CIPC: variants seen among roughly 807,000 people sequenced by gnomAD.
CIPC encodes CLOCK-interacting pacemaker.
A neutral mutation model predicts 26.7 loss-of-function variants in CIPC; 12 were observed. The ratio of observed to expected loss-of-function variants is 0.45; its 90% CI spans 0.29 to 0.73. The LOEUF (loss-of-function observed/expected upper bound fraction) is 0.73. CIPC is among the 30% of genes least tolerant of loss of function. The pLI is 0.12. For missense variants in CIPC, 417 were observed against 486.5 expected (o/e 0.86, Z 1.34); for synonymous variants, 170 against 189.8 (o/e 0.90, Z 0.86).
At chr14:77,106,548 C>T (rs908087900) in intron 2 of CIPC, among the ~76,000 whole-genome samples, 1 of 151,990 alleles carries the variant, frequency 6.6e-6, no homozygotes, top group African/African-American at 2.4e-5. Context: ...GAATATGGCG[C>T]TAGTGTGATT....
chr14:77,113,788 G>A lies in CIPC; in HGVS notation c.670G>A (p.Glu224Lys), dbSNP rs769078546. 1.5e-5 allele frequency: 25 copies of A among 1,613,758 alleles called. No homozygotes were observed. Among genetic ancestry groups the A allele is most frequent in the Non-Finnish European group, 1.7e-5 (20 of 1,179,822 alleles). The change falls in exon 4 of 4, where the codon GAG (glutamate) becomes AAG (lysine). Residue 224 changes from glutamate to lysine, a missense_variant. Glu to Lys is a moderately conservative substitution (Grantham distance 56). Coordinates refer to ENST00000361786, the MANE Select transcript of CIPC (RefSeq NM_033426.3). ...TPAPPSAKLA[E>K]DSALQGVPSL... ...AGCACCACCCAGCGCCAAACTTGCC[G>A]AGGACTCAGCTCTGCAGGGTGTGCC...
intron 1 of CIPC, among the ~76,000 whole-genome samples, chr14:77,099,504 G>A (rs1005623605): frequency 3.3e-5 from 5 of 152,134 alleles, no homozygotes; most frequent in African/African-American, 9.7e-5. Context: ...AAATGACTTC[G>A]GAGAAAAGCT....
chr14:77,113,879 C>T lies in CIPC; in HGVS notation c.761C>T (p.Ala254Val). The change falls in exon 4 of 4, where the codon GCT becomes GTT. Residue 254 changes from alanine to valine, a missense_variant. Ala to Val is a moderately conservative substitution (Grantham distance 64). Transcript: ENST00000361786. The part of the protein sequence containing the change: ...QPVSSSHVAK[A>V]PSLTFASPAS... The stretch of plus-strand genomic sequence containing the variant: ...GTATCCAGCAGTCACGTGGCTAAAG[C>T]TCCCAGTCTGACCTTCGCTTCCCCC... The T allele has an allele frequency of 6.2e-7, 1 of 1,614,146 alleles. No homozygotes were observed. Among genetic ancestry groups the T allele is most frequent in the Non-Finnish European group, 8.5e-7 (1 of 1,180,034 alleles).
At chr14:77,104,847 T>A (rs1345689522) in intron 1 of CIPC, among the ~76,000 whole-genome samples, 6 of 152,240 alleles carry the variant, frequency 3.9e-5, no homozygotes, top group African/African-American at 1.4e-4. Flanking sequence ...ATGCCTATTC[T>A]GTTCATTCTA....
In CIPC at chr14:77,102,451, G is replaced by A. The variant is rs965107472; in HGVS notation, c.-52-3206G>A. 6.6e-5 allele frequency among the ~76,000 whole-genome samples: 10 copies of A among 152,154 alleles called. No homozygotes were observed. The East Asian group carries it at 7.7e-4, about 12-fold the overall frequency. ...TATTATTTTCTGAGCCTCAAAAACC[G>A]ATTGTCAGTGTTTCAGTATTTTGAC... On this transcript the variant is annotated intron_variant, in intron 1 of 3. Transcript: ENST00000361786.
intron 1 of CIPC, among the ~76,000 whole-genome samples, chr14:77,103,654 A>G (rs118098138): frequency 2.0e-4 from 30 of 152,296 alleles, no homozygotes; most frequent in Non-Finnish European, 3.2e-4. Flanking sequence ...TGAAGGGCCA[A>G]TTGGTCTTAT....
In CIPC at chr14:77,113,480, T is replaced by C. The variant is rs1462895318; in HGVS notation, c.362T>C (p.Ile121Thr). The C allele has an allele frequency of 1.2e-6, 2 of 1,614,180 alleles. No individual in the cohort carries two copies. Among genetic ancestry groups the C allele is most frequent in the South Asian group, 2.2e-5 (2 of 91,076 alleles). Reference protein sequence around the residue: ...SWTVQPSFEVISAQPQLLFLH... With the variant: ...SWTVQPSFEVTSAQPQLLFLH... Reference sequence around the variant, plus strand: ...ACTGTCCAGCCCTCCTTTGAAGTGATCTCAGCACAGCCACAGCTCTTATTC... The same window carrying C: ...ACTGTCCAGCCCTCCTTTGAAGTGACCTCAGCACAGCCACAGCTCTTATTC... Residue 121 changes from isoleucine to threonine, a missense_variant, in exon 4 of 4, where the codon ATC becomes ACC. Physicochemically the swap from Ile to Thr is moderately conservative, Grantham distance 89. Transcript: ENST00000361786.
chr14:77,114,503 A>G lies in CIPC; in HGVS notation c.*185A>G. 5 of 624,512 alleles carry G rather than the reference A, an allele frequency of 8.0e-6. No individual in the cohort carries two copies. The highest frequency in any genetic ancestry group is 1.4e-5 in the Non-Finnish European group (5 of 363,722). 38.7% of individuals were successfully genotyped at this position (624,512 alleles called of 1,614,324 possible). On this transcript the variant is annotated 3_prime_UTR_variant, in exon 4 of 4. Transcript: ENST00000361786. ...AACTCGTAGTCTGGGCACAGGATAC[A>G]TATGTCCCCGTCCCACTGAGGACCT...
In CIPC at chr14:77,105,752, C is replaced by G; in HGVS notation, c.44C>G (p.Ser15Cys). 1 of 1,614,144 alleles carries G rather than the reference C, an allele frequency of 6.2e-7. No individual in the cohort carries two copies. The highest frequency in any genetic ancestry group is 8.5e-7 in the Non-Finnish European group (1 of 1,179,990). Residue 15 changes from serine to cysteine, a missense_variant, in exon 2 of 4, where the codon TCT becomes TGT. Ser to Cys is a moderately radical substitution (Grantham distance 112). Transcript: ENST00000361786. ...TCCAGAGAGAGCCCCAGAAGACTCT[C>G]TGCCAAAGTAGGCAAAGGCACAGAG... ...NPSRESPRRL[S>C]AKVGKGTEMK...
In CIPC at chr14:77,115,621, A is replaced by T. The variant is rs895427728; in HGVS notation, c.*1303A>T. 5 of 151,864 alleles carry T rather than the reference A, an allele frequency of 3.3e-5. No homozygotes were observed. Among genetic ancestry groups the T allele is most frequent in the African/African-American group, 4.8e-5 (2 of 41,326 alleles). 9.4% of individuals were successfully genotyped at this position (151,864 alleles called of 1,614,324 possible). On this transcript the variant is annotated 3_prime_UTR_variant, in exon 4 of 4. Transcript: ENST00000361786. ...AAATATTCTCTCAATTTAAAATTTC[A>T]TCCTCTTGAAAATCTTTGTTCTTTA...
chr14:77,110,530 A>G (rs1286351228), intron 3 of CIPC, among the ~76,000 whole-genome samples: 2 of 152,228 alleles, frequency 1.3e-5, no homozygotes, highest in African/African-American at 2.4e-5. Context: ...GAATCCACAC[A>G]GTGTTGTGGA....
chr14:77,101,548 T>C (rs1419328034), intron 1 of CIPC, among the ~76,000 whole-genome samples: 1 of 152,256 alleles, frequency 6.6e-6, no homozygotes, highest in Non-Finnish European at 1.5e-5. Context: ...ATTTAGCATC[T>C]GTTCTCTTTT....
chr14:77,108,116 A>G (rs1886626283), intron 2 of CIPC, among the ~76,000 whole-genome samples: 1 of 152,182 alleles, frequency 6.6e-6, no homozygotes, highest in African/African-American at 2.4e-5. Flanking sequence ...CATCTTGACC[A>G]GAATACTATG....
chr14:77,116,486 C>A lies in CIPC; in HGVS notation c.*2168C>A, dbSNP rs1188298816. ...ACACTTGCTGAGAACCAAATTTATTCCATTGGAAAAACCCTCTGTGGAGCT... is the reference window on the plus strand; with the variant it reads ...ACACTTGCTGAGAACCAAATTTATTACATTGGAAAAACCCTCTGTGGAGCT... On this transcript the variant is annotated 3_prime_UTR_variant, in exon 4 of 4. Transcript: ENST00000361786. The A allele has an allele frequency of 2.6e-5, 4 of 152,224 alleles. No homozygotes were observed. Among genetic ancestry groups the A allele is most frequent in the Non-Finnish European group, 4.4e-5 (3 of 68,042 alleles). 9.4% of individuals were successfully genotyped at this position (152,224 alleles called of 1,614,324 possible).
intron 1 of CIPC, among the ~76,000 whole-genome samples, chr14:77,103,103 T>C (rs1886523232): frequency 6.6e-6 from 1 of 152,256 alleles, no homozygotes; most frequent in African/African-American, 2.4e-5. Flanking sequence ...TTGATGTCAG[T>C]TGAATGAGGA....
intron 1 of CIPC, chr14:77,100,002 T>C (rs1886445776): frequency 6.6e-6 from 1 of 152,206 alleles, no homozygotes; most frequent in African/African-American, 2.4e-5. Flanking sequence ...TGTCAGAGAC[T>C]CAGCAGGTCA....
chr14:77,105,886 C>T lies in CIPC; in HGVS notation c.136+42C>T, dbSNP rs765134581. On this transcript the variant is annotated intron_variant, in intron 2 of 3. Transcript: ENST00000361786. ...CCTTCCTCTGTTTTGTGAGTGAATG[C>T]TTTGCGTGAAAAATTTCCTCCCCAA... The T allele has an allele frequency of 5.0e-6, 8 of 1,605,846 alleles. No individual in the cohort carries two copies. In the East Asian group the frequency reaches 1.6e-4, roughly 31 times the overall value.
intron 2 of CIPC, 28 bp downstream of exon 2, chr14:77,105,872 T>C (rs1336532299): frequency 2.5e-6 from 4 of 1,611,000 alleles, no homozygotes; most frequent in African/African-American, 1.3e-5. Context: ...CTTCCTCTGT[T>C]TTGTGAGTGA....
intron 1 of CIPC, 62 bp from the exon 2 acceptor site, chr14:77,105,577 TTGCCCATACTTTATTCAC>T: frequency 1.1e-6 from 1 of 945,544 alleles, no homozygotes; most frequent in Non-Finnish European, 1.6e-6. Context: ...CCAGTGTTCT[TTGCCCATACTTTATTCAC>T]TGTTTGGATC....
Sources: allele counts gnomAD v4.1 joint callset (sites outside exome capture counted in the v4.1 genomes callset), GRCh38; gene constraint gnomAD v4.1.1; transcripts MANE v1.5; gene names NCBI Gene and HGNC (gene_info 2026-07-23, HGNC 2026-07-21).